Variants in SPAST observed in about 807,000 individuals in gnomAD.
SPAST encodes the protein spastic paraplegia 4 (autosomal dominant; spastin).
SPAST carries 30 observed loss-of-function variants against 76.6 expected under a neutral mutation model. The ratio of observed to expected loss-of-function variants is 0.39; its 90% confidence interval spans 0.29 to 0.53. The LOEUF (loss-of-function observed/expected upper bound fraction) is 0.53. Ranked by LOEUF, SPAST falls within the 20% of genes least tolerant of loss-of-function variation. SPAST has a pLI of 0.68. For synonymous variants in SPAST, 305 were observed against 281.0 expected, an observed-to-expected ratio of 1.09 and a Z score of -0.86; for missense variants, 717 against 770.5, an observed-to-expected ratio of 0.93 and a Z score of 0.82.
intron 1 of SPAST, among the ~76,000 whole-genome samples, chr2:32,067,606 A>G (rs1676574257): frequency 6.6e-6 from 1 of 151,834 alleles, no homozygotes; most frequent in Non-Finnish European, 1.5e-5. Flanking sequence ...CCTCCTAAAC[A>G]TTTTTATTTT....
intron 2 of SPAST, among the ~76,000 whole-genome samples, chr2:32,088,639 T>G (rs770406187): frequency 1.3e-5 from 2 of 152,186 alleles, no homozygotes; most frequent in African/African-American, 4.8e-5. Flanking sequence ...AGTGAAACTC[T>G]GTCTCAGAAA....
chr2:32,138,291 C>T (rs1369424674), intron 12 of SPAST, among the ~76,000 whole-genome samples: 1 of 152,258 alleles, frequency 6.6e-6, no homozygotes, highest in Non-Finnish European at 1.5e-5. Context: ...ATACGCTCCA[C>T]AACCTCACCA....
At chr2:32,136,279 T>A (rs1308287866) in intron 9 of SPAST, among the ~76,000 whole-genome samples, 2 of 152,162 alleles carry the variant, frequency 1.3e-5, no homozygotes, top group Non-Finnish European at 2.9e-5. Context: ...TCTCACTAGT[T>A]ATATCCTTGA....
chr2:32,146,519 C>T (rs958327789), intron 15 of SPAST, among the ~76,000 whole-genome samples: 8 of 151,846 alleles, frequency 5.3e-5, no homozygotes, highest in African/African-American at 1.7e-4. Flanking sequence ...CATGGTCATG[C>T]CACTCACTGC....
intron 7 of SPAST, among the ~76,000 whole-genome samples, chr2:32,123,261 CA>C (rs112753143): frequency 2.7e-4 from 39 of 143,024 alleles, no homozygotes; most frequent in African/African-American, 6.2e-4. Context: ...GACTCCGTCT[CA>C]AAAAAAAAAA....
intron 4 of SPAST, among the ~76,000 whole-genome samples, chr2:32,112,514 AT>A (rs1429066955): frequency 6.6e-6 from 1 of 151,900 alleles, no homozygotes; most frequent in African/African-American, 2.4e-5. Context: ...CACCTGGCTA[AT>A]TTTTGTGTTT....
At chr2:32,102,647 A>C (rs946142221) in intron 4 of SPAST, among the ~76,000 whole-genome samples, 6 of 152,186 alleles carry the variant, frequency 3.9e-5, no homozygotes, top group African/African-American at 1.4e-4. Context: ...ACATCCCATC[A>C]ATACCTAGTT....
At chr2:32,075,103 ATATGG>A (rs1222823304) in intron 1 of SPAST, among the ~76,000 whole-genome samples, 2 of 152,018 alleles carry the variant, frequency 1.3e-5, no homozygotes, top group African/African-American at 4.8e-5. Context: ...CATAAACGAG[ATATGG>A]GGAAGAACGA....
At chr2:32,078,252 A>G (rs553313813) in intron 1 of SPAST, among the ~76,000 whole-genome samples, 3 of 152,138 alleles carry the variant, frequency 2.0e-5, no homozygotes, top group South Asian at 2.1e-4. Context: ...TTTCACTGCA[A>G]CCTTTGCCTC....
intron 4 of SPAST, among the ~76,000 whole-genome samples, chr2:32,113,201 C>T (rs561923500): frequency 6.6e-6 from 1 of 150,880 alleles, no homozygotes; most frequent in Non-Finnish European, 1.5e-5. Context: ...GATCAGGGCT[C>T]ACTGCAATCG....
At chr2:32,148,401 GTGGCTCACGCC>G (rs1004306377) in intron 16 of SPAST, among the ~76,000 whole-genome samples, 2 of 152,106 alleles carry the variant, frequency 1.3e-5, no homozygotes, top group Admixed American at 6.6e-5. Context: ...GCCGGGTGCG[GTGGCTCACGCC>G]TGTAATCCCA....
intron 1 of SPAST, among the ~76,000 whole-genome samples, chr2:32,068,844 A>G (rs1234710957): frequency 6.6e-6 from 1 of 151,166 alleles, no homozygotes; most frequent in African/African-American, 2.4e-5. Flanking sequence ...CAGTGAGCTG[A>G]GATCTCACCC....
intron 1 of SPAST, among the ~76,000 whole-genome samples, chr2:32,081,241 G>A (rs994268714): frequency 1.3e-5 from 2 of 152,094 alleles, no homozygotes; most frequent in African/African-American, 2.4e-5. Flanking sequence ...ACAGGCGTGA[G>A]CCACCTCACC....
intron 1 of SPAST, among the ~76,000 whole-genome samples, chr2:32,079,040 C>T (rs1677090531): frequency 6.6e-6 from 1 of 152,006 alleles, no homozygotes; most frequent in Non-Finnish European, 1.5e-5. Flanking sequence ...GGGGTTTCAC[C>T]ATGTTGCCCA....
intron 3 of SPAST, among the ~76,000 whole-genome samples, chr2:32,091,496 C>G (rs1187387633): frequency 1.3e-5 from 2 of 148,994 alleles, no homozygotes; most frequent in Middle Eastern, 3.2e-3. Flanking sequence ...AGGCTGGTCT[C>G]AAACTCCTGA....
intron 1 of SPAST, among the ~76,000 whole-genome samples, chr2:32,066,381 T>G (rs1410196919): frequency 6.6e-6 from 1 of 152,068 alleles, no homozygotes; most frequent in African/African-American, 2.4e-5. Flanking sequence ...GCGTAGATCA[T>G]TTTTTGGGCC....
intron 1 of SPAST, chr2:32,066,006 C>G (rs1365583270): frequency 6.7e-6 from 1 of 149,302 alleles, no homozygotes; most frequent in Admixed American, 6.7e-5. Context: ...TGGAGTCTCC[C>G]TGTGTCACCC....
intron 1 of SPAST, among the ~76,000 whole-genome samples, chr2:32,069,169 C>A (rs1676646413): frequency 7.3e-6 from 1 of 137,794 alleles, no homozygotes; most frequent in African/African-American, 2.7e-5. Context: ...GCCAAGATCA[C>A]GCCACTGCAC....
chr2:32,139,746 T>A (rs1679654923), intron 12 of SPAST, among the ~76,000 whole-genome samples: 1 of 151,736 alleles, frequency 6.6e-6, no homozygotes, highest in South Asian at 2.1e-4. Context: ...GGAGAATTGC[T>A]TGAACCCAGG....
Sources: allele counts gnomAD v4.1 joint callset (sites outside exome capture counted in the v4.1 genomes callset), GRCh38; gene constraint gnomAD v4.1.1; transcripts MANE v1.5; gene names NCBI Gene and HGNC (gene_info 2026-07-23, HGNC 2026-07-21).